Variants in RFX3 observed in about 807,000 individuals in gnomAD.
The protein encoded by RFX3 is transcription factor RFX3.
A neutral mutation model predicts 98.6 loss-of-function variants in RFX3; 14 were observed. The ratio of observed to expected loss-of-function variants is 0.14; its 90% CI spans 0.09 to 0.22. RFX3 has a LOEUF of 0.22. Ranked by LOEUF, RFX3 falls within the 10% of genes least tolerant of loss-of-function variation. The pLI, the probability that RFX3 is intolerant of heterozygous loss-of-function variation, is 1.00. For missense variants in RFX3, 639 were observed against 926.9 expected (o/e 0.69, Z 4.03); for synonymous variants, 383 against 328.4 (o/e 1.17, Z -1.80).
At chr9:3,267,137 AT>A (rs1187375792) in intron 11 of RFX3, among the ~76,000 whole-genome samples, 1 of 152,002 alleles carries the variant, frequency 6.6e-6, no homozygotes, top group African/African-American at 2.4e-5. Flanking sequence ...AGGAGACAGA[AT>A]ACTTTCCTTG....
At chr9:3,491,165 A>G (rs1340587724) in intron 1 of RFX3, among the ~76,000 whole-genome samples, 1 of 152,160 alleles carries the variant, frequency 6.6e-6, no homozygotes, top group Admixed American at 6.5e-5. Context: ...AAACAGGCAC[A>G]GCTGAGTATA....
intron 2 of RFX3, among the ~76,000 whole-genome samples, chr9:3,361,363 G>C (rs1836410001): frequency 6.6e-6 from 1 of 151,922 alleles, no homozygotes; most frequent in Non-Finnish European, 1.5e-5. Flanking sequence ...GGAAAGAGAA[G>C]TAAAAAAGTC....
intron 15 of RFX3, among the ~76,000 whole-genome samples, chr9:3,229,533 A>G (rs1818212982): frequency 6.6e-6 from 1 of 152,236 alleles, no homozygotes; most frequent in African/African-American, 2.4e-5. Flanking sequence ...TTCGGCTTAG[A>G]CATTATTTTC....
At chr9:3,229,215 G>A (rs1818163812) in intron 15 of RFX3, among the ~76,000 whole-genome samples, 1 of 152,138 alleles carries the variant, frequency 6.6e-6, no homozygotes, top group African/African-American at 2.4e-5. Flanking sequence ...AGACTGATGT[G>A]GCAAAACGAA....
chr9:3,513,870 T>A (rs1464246728), intron 1 of RFX3, among the ~76,000 whole-genome samples: 4 of 152,208 alleles, frequency 2.6e-5, no homozygotes, highest in Admixed American at 6.5e-5. Flanking sequence ...AAATCTTTGC[T>A]GAAATATAAA....
chr9:3,230,907 A>T (rs1818364478), intron 15 of RFX3, among the ~76,000 whole-genome samples: 3 of 152,232 alleles, frequency 2.0e-5, no homozygotes, highest in Admixed American at 6.5e-5. Context: ...ATTATCTTCA[A>T]AAGAAACATT....
At position 3,428,254 on chromosome 9, in the gene RFX3, CTCTT is replaced by C. The variant is rs1442146985; in HGVS notation, c.-8-32662_-8-32659del. Among the ~76,000 whole-genome samples the C allele has an allele frequency of 3.3e-5, 5 of 152,292 alleles. No homozygotes were observed. In the East Asian group the frequency reaches 7.7e-4, roughly 24 times the overall value. On this transcript the variant is annotated intron_variant, in intron 1 of 16. Coordinates refer to ENST00000617270, the MANE Select transcript of RFX3 (RefSeq NM_001282116.2). Reference sequence around the variant, plus strand: ...TTTAAACTGTTCTTATTCTCTCTCACTCTTTCAATTTCTATTTCTCCTCTTTTCT... The same window carrying C: ...TTTAAACTGTTCTTATTCTCTCTCACTCAATTTCTATTTCTCCTCTTTTCT...
Position 3,468,843 on chromosome 9 carries a change from A to G in RFX3, c.-9+56904T>C, listed in dbSNP as rs865870628. On this transcript the variant is annotated intron_variant, in intron 1 of 16. Transcript: ENST00000617270. ...AAAAAAAAAAAAAAGAAAAAAGAAA[A>G]AAAAGAAGAAAAACCGCATACTTTC... 6.8e-4 allele frequency among the ~76,000 whole-genome samples: 103 copies of G among 151,754 alleles called. 1 individual carries two copies. The highest frequency in any genetic ancestry group is 2.3e-3 in the African/African-American group (96 of 41,518).
chr9:3,292,249 C>T (rs1827486955), intron 6 of RFX3, among the ~76,000 whole-genome samples: 1 of 151,916 alleles, frequency 6.6e-6, no homozygotes, highest in African/African-American at 2.4e-5. Context: ...TTCTGTCCAG[C>T]TACTTAAAAT....
At chr9:3,424,005 G>A (rs1009579284) in intron 1 of RFX3, among the ~76,000 whole-genome samples, 3 of 151,400 alleles carry the variant, frequency 2.0e-5, no homozygotes, top group African/African-American at 7.3e-5. Flanking sequence ...AAATTAGCCG[G>A]GCGTGGTGGC....
At chr9:3,440,875 G>T (rs1050802822) in intron 1 of RFX3, among the ~76,000 whole-genome samples, 6 of 152,120 alleles carry the variant, frequency 3.9e-5, no homozygotes, top group Non-Finnish European at 7.4e-5. Flanking sequence ...TGTTACTGGG[G>T]TAAAAACAAA....
intron 2 of RFX3, among the ~76,000 whole-genome samples, chr9:3,363,583 CT>C (rs1563988344): frequency 6.6e-6 from 1 of 152,162 alleles, no homozygotes; most frequent in African/African-American, 2.4e-5. Context: ...TAAACCAGTG[CT>C]AACACTATTA....
chr9:3,275,800 A>C (rs1018116649), intron 8 of RFX3, among the ~76,000 whole-genome samples, 188 bp from the exon 9 acceptor site: 2 of 152,092 alleles, frequency 1.3e-5, no homozygotes, highest in African/African-American at 4.8e-5. Flanking sequence ...AAAATATAAA[A>C]CTAAAGGGAA....
chr9:3,326,512 T>C (rs189657643), intron 4 of RFX3, among the ~76,000 whole-genome samples: 6 of 152,254 alleles, frequency 3.9e-5, no homozygotes, highest in Admixed American at 3.9e-4. Flanking sequence ...TAAAGCCCAG[T>C]GTGTGCTGTT....
intron 3 of RFX3, among the ~76,000 whole-genome samples, chr9:3,332,287 T>A (rs12001962): frequency 0.034 from 5,246 of 152,270 alleles, 273 homozygotes; most frequent in African/African-American, 0.12. Context: ...AGGACCCATA[T>A]CTAAATATGA....
At position 3,266,295 on chromosome 9, in the gene RFX3, G is replaced by A; in HGVS notation, c.1368C>T (p.Thr456=). 6.2e-7 allele frequency: 1 copy of A among 1,606,548 alleles called. No individual in the cohort carries two copies. Among genetic ancestry groups the A allele is most frequent in the Non-Finnish European group, 8.5e-7 (1 of 1,174,472 alleles). The change falls in exon 12 of 17, where the codon ACC becomes ACT. Residue 456 remains threonine, a synonymous_variant. Coordinates refer to ENST00000617270, the MANE Select transcript of RFX3 (RefSeq NM_001282116.2). Reference sequence around the variant, plus strand: ...TTTTTGCAAAATTTCGAATGGCTTGGGTCAAGGCACCTAAACATTAAAGAA... The same window carrying A: ...TTTTTGCAAAATTTCGAATGGCTTGAGTCAAGGCACCTAAACATTAAAGAA... ...DVLRPIPSAL[T]QAIRNFAKSL... is the part of the protein sequence containing the mutation.
intron 3 of RFX3, among the ~76,000 whole-genome samples, chr9:3,337,516 G>A (rs1405043400): frequency 1.3e-5 from 2 of 152,124 alleles, no homozygotes; most frequent in African/African-American, 2.4e-5. Context: ...AGGAGCTAGG[G>A]GCACAAAGCA....
chr9:3,316,832 A>C (rs1217034482), intron 4 of RFX3, among the ~76,000 whole-genome samples: 1 of 152,246 alleles, frequency 6.6e-6, no homozygotes, highest in African/African-American at 2.4e-5. Flanking sequence ...GACCTCTTCA[A>C]GGAGAACTAC....
At chr9:3,283,928 T>G (rs1050289387) in intron 7 of RFX3, among the ~76,000 whole-genome samples, 1 of 151,784 alleles carries the variant, frequency 6.6e-6, no homozygotes, top group African/African-American at 2.4e-5. Flanking sequence ...CAAGAGTTCT[T>G]AACCTGGTTG....
Sources: gnomAD v4.1 joint callset for allele counts (sites outside exome capture counted in the v4.1 genomes callset) on GRCh38, gnomAD v4.1.1 for gene constraint, MANE v1.5 for transcripts, NCBI Gene and HGNC (gene_info 2026-07-23, HGNC 2026-07-21) for gene names.